SLC35F3: variants seen among roughly 807,000 people sequenced by gnomAD.
SLC35F3 encodes the protein solute carrier family 35 member F3.
SLC35F3 carries 25 observed loss-of-function variants against 49.9 expected under a neutral mutation model. That is an observed-to-expected ratio of 0.50 (90% CI 0.37 to 0.70). SLC35F3 has a LOEUF of 0.70. SLC35F3 is among the 30% of genes least tolerant of loss of function. The probability of loss-of-function intolerance (pLI) is 0.00; values close to 1 mark genes in which losing one functional copy is unlikely to be tolerated. For synonymous variants in SLC35F3, 275 were observed against 265.4 expected (o/e 1.04, Z -0.35); for missense variants, 525 against 639.8 (o/e 0.82, Z 1.94).
At chr1:234,229,421 A>T (rs1404045176) in intron 2 of SLC35F3, among the ~76,000 whole-genome samples, 1 of 152,238 alleles carries the variant, frequency 6.6e-6, no homozygotes, top group African/African-American at 2.4e-5. Context: ...ATCCAAATCC[A>T]TAGAAACATT....
intron 2 of SLC35F3, among the ~76,000 whole-genome samples, chr1:234,109,238 C>T (rs940816204): frequency 1.3e-5 from 2 of 152,170 alleles, no homozygotes; most frequent in African/African-American, 2.4e-5. Flanking sequence ...AGTAACACTC[C>T]CTGCTAAAGA....
intron 2 of SLC35F3, among the ~76,000 whole-genome samples, chr1:234,022,926 G>T (rs1663919092): frequency 6.6e-6 from 1 of 152,142 alleles, no homozygotes. Context: ...CTGCACAGAG[G>T]TGGTTCAGTC....
chr1:233,996,028 G>A (rs1485153398), intron 2 of SLC35F3, among the ~76,000 whole-genome samples: 2 of 152,008 alleles, frequency 1.3e-5, no homozygotes, highest in African/African-American at 4.8e-5. Flanking sequence ...TCAACTGTGG[G>A]CATTTTATTG....
chr1:234,130,074 C>A (rs2102897781), intron 2 of SLC35F3, among the ~76,000 whole-genome samples: 1 of 152,260 alleles, frequency 6.6e-6, no homozygotes, highest in South Asian at 2.1e-4. Flanking sequence ...CATTTAGAAA[C>A]ACAAGCCATA....
intron 2 of SLC35F3, among the ~76,000 whole-genome samples, chr1:234,103,182 G>A (rs1206526086): frequency 6.6e-6 from 1 of 152,240 alleles, no homozygotes; most frequent in Non-Finnish European, 1.5e-5. Flanking sequence ...TGTGAGCAGT[G>A]TGTTAAGGTG....
intron 3 of SLC35F3, among the ~76,000 whole-genome samples, chr1:234,247,393 G>A (rs1667650314): frequency 6.6e-6 from 1 of 152,064 alleles, no homozygotes; most frequent in African/African-American, 2.4e-5. Flanking sequence ...ATTTTTAGGT[G>A]GGTTGGTTGG....
intron 3 of SLC35F3, among the ~76,000 whole-genome samples, chr1:234,240,251 C>A (rs1312992852): frequency 6.6e-6 from 1 of 152,294 alleles, no homozygotes; most frequent in East Asian, 1.9e-4. Context: ...GGGCGGATCA[C>A]TTGAGCCCAG....
chr1:234,024,594 G>A (rs925722210), intron 2 of SLC35F3, among the ~76,000 whole-genome samples: 1 of 152,144 alleles, frequency 6.6e-6, no homozygotes, highest in Non-Finnish European at 1.5e-5. Flanking sequence ...AGGTCCCCAC[G>A]TGAAGGACAC....
intron 2 of SLC35F3, among the ~76,000 whole-genome samples, chr1:234,081,017 C>T (rs1444262665): frequency 6.6e-6 from 1 of 152,194 alleles, no homozygotes; most frequent in East Asian, 1.9e-4. Context: ...TTCAACCATA[C>T]AGCCCCAGGC....
At chr1:234,229,986 G>C (rs775752621) in intron 2 of SLC35F3, among the ~76,000 whole-genome samples, 6 of 152,196 alleles carry the variant, frequency 3.9e-5, no homozygotes, top group Non-Finnish European at 8.8e-5. Flanking sequence ...GGAACAGACG[G>C]CTTGTCAGAA....
intron 2 of SLC35F3, among the ~76,000 whole-genome samples, chr1:234,160,995 C>A (rs1272263908): frequency 6.6e-6 from 1 of 152,182 alleles, no homozygotes; most frequent in Non-Finnish European, 1.5e-5. Flanking sequence ...CTCTTGGATC[C>A]AGGCTTTCCT....
intron 2 of SLC35F3, among the ~76,000 whole-genome samples, chr1:234,001,467 T>TG (rs1488156549): frequency 2.0e-5 from 3 of 152,196 alleles, no homozygotes; most frequent in Non-Finnish European, 4.4e-5. Flanking sequence ...TTATCAGTCA[T>TG]GCTAAGAAAA....
At chr1:234,250,640 C>A (rs1453954093) in intron 3 of SLC35F3, among the ~76,000 whole-genome samples, 1 of 127,512 alleles carries the variant, frequency 7.8e-6, no homozygotes, top group African/African-American at 3.0e-5. Context: ...GGCGACAGAG[C>A]GAGACTCCGT....
At chr1:234,167,522 C>A (rs1216881817) in intron 2 of SLC35F3, among the ~76,000 whole-genome samples, 1 of 152,172 alleles carries the variant, frequency 6.6e-6, no homozygotes, top group Admixed American at 6.5e-5. Flanking sequence ...TTTGATTTAA[C>A]CTGGCTGGCA....
At chr1:234,071,562 A>G (rs1028188158) in intron 2 of SLC35F3, among the ~76,000 whole-genome samples, 2 of 152,222 alleles carry the variant, frequency 1.3e-5, no homozygotes, top group Non-Finnish European at 2.9e-5. Context: ...AATGGGTTAA[A>G]CAGAAATTAT....
intron 2 of SLC35F3, among the ~76,000 whole-genome samples, chr1:234,070,700 T>A (rs1164240722): frequency 1.3e-5 from 2 of 152,248 alleles, no homozygotes; most frequent in Non-Finnish European, 2.9e-5. Flanking sequence ...CAATTCATAT[T>A]AGTTAACATC....
intron 3 of SLC35F3, among the ~76,000 whole-genome samples, chr1:234,301,940 CA>C (rs1168820209): frequency 6.6e-6 from 1 of 152,166 alleles, no homozygotes; most frequent in East Asian, 1.9e-4. Flanking sequence ...AACACAGGAA[CA>C]GAAAACCAAA....
At chr1:234,047,011 C>A (rs529832518) in intron 2 of SLC35F3, among the ~76,000 whole-genome samples, 17 of 152,284 alleles carry the variant, frequency 1.1e-4, no homozygotes, top group African/African-American at 4.1e-4. Context: ...TCTTCTTAGT[C>A]ATGTCAAATA....
At chr1:234,002,118 G>A (rs533506969) in intron 2 of SLC35F3, among the ~76,000 whole-genome samples, 1 of 152,238 alleles carries the variant, frequency 6.6e-6, no homozygotes, top group East Asian at 1.9e-4. Context: ...TTTTAAGTAA[G>A]TGTTTTCATT....
Sources: allele counts gnomAD v4.1 joint callset (sites outside exome capture counted in the v4.1 genomes callset), GRCh38; gene constraint gnomAD v4.1.1; transcripts MANE v1.5; gene names NCBI Gene and HGNC (gene_info 2026-07-23, HGNC 2026-07-21).